RBFOX1: variants seen among roughly 807,000 people sequenced by gnomAD.
The protein encoded by RBFOX1 is RNA binding protein fox-1 homolog 1.
Under a neutral mutation model 57.7 loss-of-function variants are expected in RBFOX1, and 8 were observed. The observed-to-expected ratio is 0.14, with a 90% confidence interval of 0.08 to 0.25. The LOEUF (loss-of-function observed/expected upper bound fraction) is 0.25, where lower values mean the gene tolerates loss of function less well. Ranked by LOEUF, RBFOX1 falls within the 10% of genes least tolerant of loss-of-function variation. The probability of loss-of-function intolerance (pLI) is 1.00; values close to 1 mark genes in which losing one functional copy is unlikely to be tolerated. For missense variants in RBFOX1, 611 were observed against 548.5 expected (o/e 1.11, Z -1.14); for synonymous variants, 326 against 222.4 (o/e 1.47, Z -4.15).
At chr16:6,814,881 GA>G (rs2089701200) in intron 3 of RBFOX1, among the ~76,000 whole-genome samples, 1 of 152,140 alleles carries the variant, frequency 6.6e-6, no homozygotes, top group Admixed American at 6.5e-5. Context: ...ACCTTGCACA[GA>G]AAAGAATTTG....
chr16:6,280,362 C>G (rs1219492139), intron 1 of RBFOX1, among the ~76,000 whole-genome samples: 1 of 151,798 alleles, frequency 6.6e-6, no homozygotes, highest in Non-Finnish European at 1.5e-5. Context: ...TTTTTTTGTT[C>G]TTTCATATCT....
At chr16:5,925,408 G>A (rs1236826041) in intron 4 of RBFOX1, among the ~76,000 whole-genome samples, 1 of 152,106 alleles carries the variant, frequency 6.6e-6, no homozygotes, top group African/African-American at 2.4e-5. Flanking sequence ...TAGACCTGAA[G>A]AACACTTACT....
intron 4 of RBFOX1, among the ~76,000 whole-genome samples, chr16:7,427,969 G>T (rs571333591): frequency 2.0e-5 from 3 of 152,002 alleles, no homozygotes; most frequent in Non-Finnish European, 4.4e-5. Flanking sequence ...AACATACTCC[G>T]TGCCCCCATA....
intron 3 of RBFOX1, among the ~76,000 whole-genome samples, chr16:5,747,729 T>C (rs1181942186): frequency 1.3e-5 from 2 of 152,200 alleles, no homozygotes; most frequent in Non-Finnish European, 2.9e-5. Context: ...ATATCCGCTT[T>C]ATCATTATTT....
intron 1 of RBFOX1, among the ~76,000 whole-genome samples, chr16:6,253,703 A>G (rs202027655): frequency 0.21 from 22,244 of 103,990 alleles, 2,564 homozygotes; most frequent in African/African-American, 0.34. Flanking sequence ...GTGTGTGTAT[A>G]TATATATATA....
intron 3 of RBFOX1, among the ~76,000 whole-genome samples, chr16:5,614,534 T>C (rs1297528284): frequency 6.6e-6 from 1 of 152,214 alleles, no homozygotes; most frequent in Non-Finnish European, 1.5e-5. Flanking sequence ...TCCTGATTTG[T>C]CACTCCCTGG....
chr16:7,710,648 C>T lies in RBFOX1; in HGVS notation c.1097C>T (p.Ala366Val). 6.2e-6 allele frequency: 10 copies of T among 1,613,246 alleles called. No individual in the cohort carries two copies. The highest frequency in any genetic ancestry group is 8.5e-6 in the Non-Finnish European group (10 of 1,179,698). ...AATGCTTTTGCACCTTTGACTGATG[C>T]CAAGACTAGGAGCCATGCTGATGAT... ...AMNAFAPLTD[A>V]KTRSHADDVG... Residue 366 changes from alanine to valine, a missense_variant, in exon 16 of 16, where the codon GCC becomes GTC. This residue lies in a region of RBFOX1 where 267 missense variants were observed against 229.1 expected (regional missense o/e 1.17). Coordinates refer to ENST00000550418, the MANE Select transcript of RBFOX1 (RefSeq NM_018723.4).
intron 3 of RBFOX1, among the ~76,000 whole-genome samples, chr16:6,785,172 G>C (rs2081721191): frequency 6.6e-6 from 1 of 152,112 alleles, no homozygotes; most frequent in Non-Finnish European, 1.5e-5. Context: ...AGATCTACGA[G>C]ATCTGGTCTG....
chr16:5,244,277 C>T (rs553513547), intron 1 of RBFOX1, among the ~76,000 whole-genome samples: 13 of 152,358 alleles, frequency 8.5e-5, no homozygotes, highest in African/African-American at 3.1e-4. Flanking sequence ...CTCCATCCTC[C>T]ATCCCCTCAT....
chr16:7,144,954 C>G (rs74468666), intron 4 of RBFOX1, among the ~76,000 whole-genome samples: 24 of 152,264 alleles, frequency 1.6e-4, no homozygotes, highest in African/African-American at 5.5e-4. Context: ...CCCTCTCCCC[C>G]TCCCCCAGTG....
At chr16:6,651,290 C>T (rs778636611) in intron 2 of RBFOX1, among the ~76,000 whole-genome samples, 48 of 152,310 alleles carry the variant, frequency 3.2e-4, no homozygotes, top group African/African-American at 5.5e-4. Flanking sequence ...GGCTACAGAC[C>T]GTGCAACGGC....
chr16:6,243,812 T>C (rs1418553291), intron 1 of RBFOX1, among the ~76,000 whole-genome samples: 3 of 152,106 alleles, frequency 2.0e-5, no homozygotes, highest in Non-Finnish European at 4.4e-5. Flanking sequence ...TCGTCATGGC[T>C]CCAGTGATGG....
intron 3 of RBFOX1, among the ~76,000 whole-genome samples, chr16:6,721,049 C>A (rs965602131): frequency 6.6e-6 from 1 of 152,128 alleles, no homozygotes; most frequent in Non-Finnish European, 1.5e-5. Flanking sequence ...ATAGTCTGTT[C>A]ACAATAAACA....
intron 3 of RBFOX1, among the ~76,000 whole-genome samples, chr16:5,864,547 G>GTTT (rs57100340): frequency 1.9e-4 from 28 of 145,192 alleles, no homozygotes; most frequent in East Asian, 2.0e-4. Context: ...ACATACTTGA[G>GTTT]TTTTTTTTTT....
At chr16:6,082,487 C>G (rs1435497082) in intron 1 of RBFOX1, among the ~76,000 whole-genome samples, 1 of 149,052 alleles carries the variant, frequency 6.7e-6, no homozygotes, top group South Asian at 2.1e-4. Context: ...ATTTTAGGCA[C>G]TATGCTTTTA....
At chr16:6,225,164 C>T (rs1244879030) in intron 1 of RBFOX1, among the ~76,000 whole-genome samples, 1 of 151,596 alleles carries the variant, frequency 6.6e-6, no homozygotes, top group Non-Finnish European at 1.5e-5. Context: ...TGATCTTTAA[C>T]AATGGAAGGA....
At chr16:6,086,442 C>T (rs1163602811) in intron 1 of RBFOX1, among the ~76,000 whole-genome samples, 3 of 152,174 alleles carry the variant, frequency 2.0e-5, no homozygotes, top group Non-Finnish European at 4.4e-5. Context: ...GTGGTAAAGT[C>T]CTTTCACCAG....
In RBFOX1 at chr16:6,853,460, C is replaced by A. The variant is rs202148140; in HGVS notation, c.-15-198597C>A. Among the ~76,000 whole-genome samples the A allele has an allele frequency of 4.1e-4, 62 of 152,186 alleles. No individual in the cohort carries two copies. The East Asian group carries it at 4.8e-3, about 12-fold the overall frequency. On this transcript the variant is annotated intron_variant, in intron 3 of 15. Coordinates refer to ENST00000550418, the MANE Select transcript of RBFOX1 (RefSeq NM_018723.4). Reference sequence around the variant, plus strand: ...CTTCCTGGTTTAAAAGGCAAATCATCCTGATGGAGGATGGTGCCTACAGTG... The same window carrying A: ...CTTCCTGGTTTAAAAGGCAAATCATACTGATGGAGGATGGTGCCTACAGTG...
chr16:6,366,094 T>C (rs957891180), intron 2 of RBFOX1, among the ~76,000 whole-genome samples: 3,465 of 151,244 alleles, frequency 0.023, 138 homozygotes, highest in African/African-American at 0.08. Flanking sequence ...TATGTGTGTG[T>C]GTGTGTGTGT....
Sources: gnomAD v4.1 joint callset for allele counts (sites outside exome capture counted in the v4.1 genomes callset) on GRCh38, gnomAD v4.1.1 for gene constraint, gnomAD v4.1.1 regional missense constraint, MANE v1.5 for transcripts, NCBI Gene and HGNC (gene_info 2026-07-23, HGNC 2026-07-21) for gene names.